IL2RA: variants seen among roughly 807,000 people sequenced by gnomAD.
The protein encoded by IL2RA is interleukin 2 receptor subunit alpha.
A neutral mutation model predicts 37.8 loss-of-function variants in IL2RA; 24 were observed. The ratio of observed to expected loss-of-function variants is 0.63; its 90% CI spans 0.46 to 0.89. The LOEUF (loss-of-function observed/expected upper bound fraction) is 0.89. Ranked by LOEUF, IL2RA falls within the 40% of genes least tolerant of loss-of-function variation. IL2RA has a pLI of 0.00. For synonymous variants in IL2RA, 125 were observed against 114.6 expected, an observed-to-expected ratio of 1.09 and a Z score of -0.58; for missense variants, 319 against 348.6, an observed-to-expected ratio of 0.92 and a Z score of 0.68.
At position 6,020,394 on chromosome 10, in the gene IL2RA, C is replaced by T. The variant is rs539156579; in HGVS notation, c.584-453G>A. Among the ~76,000 whole-genome samples, 6 of 152,204 alleles carry T rather than the reference C, an allele frequency of 3.9e-5. No individual in the cohort carries two copies. Among genetic ancestry groups the T allele is most frequent in the Non-Finnish European group, 7.3e-5 (5 of 68,036 alleles). Reference sequence around the variant, plus strand: ...TGCCTCTCACCCTCTTCCAAGGAAGCAGCAAGCATTCCCTGGCTGTCAGGG... The same window carrying T: ...TGCCTCTCACCCTCTTCCAAGGAAGTAGCAAGCATTCCCTGGCTGTCAGGG... On this transcript the variant is annotated intron_variant, in intron 4 of 7. Coordinates refer to ENST00000379959, the MANE Select transcript of IL2RA (RefSeq NM_000417.3). This position sits in a 1 kb window ranked among gnomAD's most constrained non-coding sequence, Gnocchi z 5.6.
chr10:6,037,321 T>A (rs1839703652), intron 1 of IL2RA, among the ~76,000 whole-genome samples: 1 of 152,076 alleles, frequency 6.6e-6, no homozygotes, highest in African/African-American at 2.4e-5. Flanking sequence ...GTGAGCAACA[T>A]GAAAGATAAA....
At chr10:6,042,613 A>G (rs1436746812) in intron 1 of IL2RA, among the ~76,000 whole-genome samples, 2 of 152,186 alleles carry the variant, frequency 1.3e-5, no homozygotes, top group African/African-American at 4.8e-5. Context: ...TAGAAGATCC[A>G]AGAATCTATA....
At chr10:6,024,104 A>G (rs980863658) in intron 3 of IL2RA, 140 bp downstream of exon 3, 6 of 700,144 alleles carry the variant, frequency 8.6e-6, no homozygotes, top group Non-Finnish European at 1.6e-5. Context: ...CTTGTCTGCA[A>G]TGATGTCTTG....
At chr10:6,055,376 C>T (rs1395438368) in intron 1 of IL2RA, among the ~76,000 whole-genome samples, 1 of 151,788 alleles carries the variant, frequency 6.6e-6, no homozygotes, top group Non-Finnish European at 1.5e-5. Context: ...GTTCTGTTCC[C>T]CAGAGAGTCC....
Position 6,031,501 on chromosome 10 carries a change from T to C in IL2RA, c.65-5476A>G, listed in dbSNP as rs1481211443. 1.5e-3 allele frequency among the ~76,000 whole-genome samples: 112 copies of C among 75,542 alleles called. 2 individuals carry two copies. The highest frequency in any genetic ancestry group is 4.1e-3 in the Admixed American group (27 of 6,602). 49.6% of individuals were successfully genotyped at this position (75,542 alleles called of 152,430 possible). A position where few individuals can be genotyped will look rare whatever the true frequency, so the allele number is the denominator to read the frequency against. On this transcript the variant is annotated intron_variant, in intron 1 of 7. Transcript: ENST00000379959. Reference sequence around the variant, plus strand: ...ATATATATATATATATATGTATATATATATATATATGTATATATATGTATA... The same window carrying C: ...ATATATATATATATATATGTATATACATATATATATGTATATATATGTATA...
intron 1 of IL2RA, among the ~76,000 whole-genome samples, chr10:6,030,908 TTAAGTAAGTAGA>T (rs1359610322): frequency 1.2e-4 from 19 of 152,100 alleles, no homozygotes; most frequent in South Asian, 2.1e-4. Context: ...TGGTACAATA[TTAAGTAAGTAGA>T]TAGTGATAAG....
At chr10:6,016,819 T>C (rs1839287688) in intron 7 of IL2RA, among the ~76,000 whole-genome samples, 2 of 152,150 alleles carry the variant, frequency 1.3e-5, no homozygotes, top group South Asian at 4.1e-4. Context: ...GGTAACCACC[T>C]GCCTCAGCCT....
chr10:6,045,163 C>T (rs1378473093), intron 1 of IL2RA, among the ~76,000 whole-genome samples: 3 of 152,166 alleles, frequency 2.0e-5, no homozygotes, highest in African/African-American at 7.2e-5. Flanking sequence ...CACAGAAGCA[C>T]CATGAGTTAT....
At position 6,047,660 on chromosome 10, in the gene IL2RA, TATAA is replaced by T. The variant is rs1476225190; in HGVS notation, c.64+14424_64+14427del. Among the ~76,000 whole-genome samples the T allele has an allele frequency of 1.3e-5, 2 of 150,044 alleles. No homozygotes were observed. Among genetic ancestry groups the T allele is most frequent in the African/African-American group, 4.9e-5 (2 of 41,080 alleles). On this transcript the variant is annotated intron_variant, in intron 1 of 7. Coordinates refer to ENST00000379959, the MANE Select transcript of IL2RA (RefSeq NM_000417.3). This position sits in a 1 kb window ranked among gnomAD's most constrained non-coding sequence, Gnocchi z 5.0. ...ATTCAAATACAATAAAGTATATAAA[TATAA>T]ATATATAATAAATGAAATATATAAA...
chr10:6,051,494 AAT>A (rs34016017), intron 1 of IL2RA, among the ~76,000 whole-genome samples: 20 of 81,964 alleles, frequency 2.4e-4, no homozygotes, highest in African/African-American at 7.0e-4. Context: ...AATACACACA[AAT>A]ATATATATAT....
rs56408208 is a variant in IL2RA at position 6,025,799 on chromosome 10, C to T, written c.256+35G>A. The T allele has an allele frequency of 3.8e-3, 6,157 of 1,604,790 alleles. 19 individuals carry two copies. The highest frequency in any genetic ancestry group is 0.02 in the Middle Eastern group (119 of 5,942). ...CTCTGTCTCACTCTTTGCTGCAGTT[C>T]TTTTGTTCTTGGTAGTCACAGAAGG... On this transcript the variant is annotated intron_variant, in intron 2 of 7. Coordinates refer to ENST00000379959, the MANE Select transcript of IL2RA (RefSeq NM_000417.3). The surrounding 1 kb of genome is among the most constrained non-coding windows in gnomAD (Gnocchi z 4.4).
intron 1 of IL2RA, among the ~76,000 whole-genome samples, chr10:6,053,578 G>C (rs995886082): frequency 6.6e-6 from 1 of 152,180 alleles, no homozygotes; most frequent in Non-Finnish European, 1.5e-5. Context: ...GGAAATCAGG[G>C]CCTGTTGGAG....
rs1248453836 is a variant in IL2RA, at chr10:6,028,264, T to C, written c.65-2239A>G. On this transcript the variant is annotated intron_variant, in intron 1 of 7. Coordinates refer to ENST00000379959, the MANE Select transcript of IL2RA (RefSeq NM_000417.3). This position sits in a 1 kb window ranked among gnomAD's most constrained non-coding sequence, Gnocchi z 4.1. ...GTCGCCCCAAAATTATGTATAGGGG[T>C]CCACCTCAGGTTCTTAGCCAAGAGC... 1.3e-5 allele frequency among the ~76,000 whole-genome samples: 2 copies of C among 152,170 alleles called. No homozygotes were observed. Among genetic ancestry groups the C allele is most frequent in the East Asian group, 3.9e-4 (2 of 5,178 alleles).
intron 2 of IL2RA, among the ~76,000 whole-genome samples, chr10:6,024,909 G>C (rs1191104697): frequency 6.6e-6 from 1 of 152,188 alleles, no homozygotes; most frequent in Non-Finnish European, 1.5e-5. Context: ...CCCAGTGAGG[G>C]GGGTGATCAG....
At position 6,020,008 on chromosome 10, in the gene IL2RA, C is replaced by G; in HGVS notation, c.584-67G>C. ...GAGTCAGGGCCTCACTCCCACCCCG[C>G]CTGCCCCAGGCAGCCGGCCCCAGAC... On this transcript the variant is annotated intron_variant, in intron 4 of 7. Transcript: ENST00000379959. This position sits in a 1 kb window ranked among gnomAD's most constrained non-coding sequence, Gnocchi z 5.6. 7.2e-7 allele frequency: 1 copy of G among 1,395,480 alleles called. No individual in the cohort carries two copies. The highest frequency in any genetic ancestry group is 1.0e-6 in the Non-Finnish European group (1 of 981,804). 86.4% of individuals were successfully genotyped at this position (1,395,480 alleles called of 1,614,324 possible). A position where few individuals can be genotyped will look rare whatever the true frequency, so the allele number is the denominator to read the frequency against.
At chr10:6,059,818 C>T (rs1330117390) in intron 1 of IL2RA, among the ~76,000 whole-genome samples, 1 of 152,146 alleles carries the variant, frequency 6.6e-6, no homozygotes, top group African/African-American at 2.4e-5. Context: ...TCTCTGATAG[C>T]CCAACGCTCC....
intron 1 of IL2RA, 51 bp downstream of exon 1, chr10:6,062,037 G>C: frequency 7.0e-7 from 1 of 1,429,656 alleles, no homozygotes; most frequent in Non-Finnish European, 9.9e-7. Flanking sequence ...GCTGGGAAGA[G>C]GGATGCCCAT....
intron 1 of IL2RA, among the ~76,000 whole-genome samples, chr10:6,041,894 C>T (rs1839777284): frequency 6.6e-6 from 1 of 151,952 alleles, no homozygotes; most frequent in Admixed American, 6.6e-5. Flanking sequence ...ACCCTGTAAA[C>T]ACTCAACAAT....
At chr10:6,038,205 A>G (rs563737747) in intron 1 of IL2RA, among the ~76,000 whole-genome samples, 8 of 152,350 alleles carry the variant, frequency 5.3e-5, no homozygotes, top group African/African-American at 1.9e-4. Context: ...TCCAACACCC[A>G]GAATCATAAT....
Sources: allele counts gnomAD v4.1 joint callset (sites outside exome capture counted in the v4.1 genomes callset), GRCh38; gene constraint gnomAD v4.1.1; non-coding constraint Gnocchi (gnomAD v3.1); transcripts MANE v1.5; gene names NCBI Gene and HGNC (gene_info 2026-07-23, HGNC 2026-07-21).